Variants in CHLSN observed in about 807,000 individuals in gnomAD.
The protein encoded by CHLSN is protein cholesin.
At chr7:997,888 G>C in the CHLSN span, 1 of 1,319,478 alleles carries the variant, frequency 7.6e-7, no homozygotes, top group Non-Finnish European at 1.1e-6. Context: ...TGCAGCCAAG[G>C]ACACCCGGGC....
chr7:1,000,574 C>T, the CHLSN span: 9 of 1,583,306 alleles, frequency 5.7e-6, no homozygotes, highest in East Asian at 2.0e-4. Context: ...AGACAAACAT[C>T]TCAGGGTGCT....
chr7:1,073,874 G>C, the CHLSN span, among the ~76,000 whole-genome samples: 2 of 33,384 alleles, frequency 6.0e-5, no homozygotes, highest in Admixed American at 3.4e-4. Flanking sequence ...CGTGACGCCC[G>C]CCCCGACCCC....
the CHLSN span, chr7:987,501 C>G: frequency 6.5e-7 from 1 of 1,542,910 alleles, no homozygotes; most frequent in Non-Finnish European, 8.7e-7. Context: ...CCGCGGCCGA[C>G]ACACAGCTGG....
the CHLSN span, chr7:1,093,743 T>C: frequency 2.2e-6 from 1 of 455,998 alleles, no homozygotes; most frequent in Non-Finnish European, 4.6e-6. Flanking sequence ...AACCTTCCCA[T>C]AAAATGTAAG....
At chr7:987,262 T>C in the CHLSN span, 39,375 of 1,505,814 alleles carry the variant, frequency 0.026, 631 homozygotes, top group African/African-American at 0.058. Context: ...CCCCGGCGCC[T>C]GGCGAGACGG....
At chr7:1,066,296 T>C in the CHLSN span, among the ~76,000 whole-genome samples, 4 of 152,122 alleles carry the variant, frequency 2.6e-5, no homozygotes, top group African/African-American at 9.7e-5. Flanking sequence ...TGTCTGCGCA[T>C]CCGGCGGGGC....
the CHLSN span, chr7:1,058,542 G>T: frequency 1.3e-6 from 1 of 762,760 alleles, no homozygotes; most frequent in Non-Finnish European, 2.4e-6. Context: ...CTGGGGAGAC[G>T]TGACTCTGGT....
At chr7:1,000,239 C>T in the CHLSN span, among the ~76,000 whole-genome samples, 8 of 151,974 alleles carry the variant, frequency 5.3e-5, no homozygotes, top group Non-Finnish European at 1.2e-4. Flanking sequence ...GCACAGGAGA[C>T]GTGCCTGCCC....
At chr7:1,093,421 G>A in the CHLSN span, 3 of 461,640 alleles carry the variant, frequency 6.5e-6, no homozygotes, top group Middle Eastern at 4.4e-4. Flanking sequence ...TCTGGTGCAC[G>A]CCTGAGCGTC....
At chr7:1,016,538 GCAGCGCACGC>G in the CHLSN span, among the ~76,000 whole-genome samples, 2 of 137,598 alleles carry the variant, frequency 1.5e-5, no homozygotes, top group East Asian at 2.2e-4. Context: ...CCAGCACAAA[GCAGCGCACGC>G]CAGCGCACAG....
the CHLSN span, among the ~76,000 whole-genome samples, chr7:1,066,871 C>A: frequency 8.5e-6 from 1 of 117,908 alleles, no homozygotes; most frequent in Non-Finnish European, 2.1e-5. Flanking sequence ...AGGAGTACAC[C>A]CCAGAGGTGA....
the CHLSN span, among the ~76,000 whole-genome samples, chr7:1,038,629 GGCCA>G: frequency 1.3e-5 from 1 of 79,104 alleles, no homozygotes; most frequent in African/African-American, 4.7e-5. Context: ...CCCTCTGCCC[GGCCA>G]GCCGCCCCGT....
chr7:1,075,882 G>A, the CHLSN span: 7 of 151,942 alleles, frequency 4.6e-5, no homozygotes, highest in African/African-American at 1.7e-4. Context: ...TTACAGGCAT[G>A]AGCCAGCGCG....
At chr7:1,009,508 C>T in the CHLSN span, among the ~76,000 whole-genome samples, 1 of 152,188 alleles carries the variant, frequency 6.6e-6, no homozygotes, top group Non-Finnish European at 1.5e-5. Context: ...AGGGAGATGG[C>T]ACCCTGTGCC....
At chr7:1,004,129 G>A in the CHLSN span, among the ~76,000 whole-genome samples, 1 of 152,058 alleles carries the variant, frequency 6.6e-6, no homozygotes. Context: ...GGCCTCCAGG[G>A]AGGTTTAATT....
the CHLSN span, among the ~76,000 whole-genome samples, chr7:1,003,804 TGGAGTCCTGTGGGTGG>T: frequency 1.5e-5 from 1 of 65,180 alleles, no homozygotes; most frequent in African/African-American, 6.4e-5. Flanking sequence ...CCTGTGGGTT[TGGAGTCCTGTGGGTGG>T]GGAGTCCTGT....
At chr7:1,058,631 G>T in the CHLSN span, 1 of 618,006 alleles carries the variant, frequency 1.6e-6, no homozygotes. Flanking sequence ...AGAAGCAGGA[G>T]GGGTGTTTTT....
the CHLSN span, among the ~76,000 whole-genome samples, chr7:1,001,507 T>C: frequency 9.7e-6 from 1 of 103,426 alleles, no homozygotes; most frequent in African/African-American, 3.9e-5. Flanking sequence ...GTGAGTGGAG[T>C]CCTGTGGGTG....
the CHLSN span, chr7:1,092,406 C>T: frequency 1.2e-6 from 2 of 1,607,064 alleles, no homozygotes; most frequent in Admixed American, 1.7e-5. Flanking sequence ...TCATCGTGCC[C>T]TTCGCCATCA....
Sources: allele counts gnomAD v4.1 joint callset (sites outside exome capture counted in the v4.1 genomes callset), GRCh38; gene constraint gnomAD v4.1.1; transcripts MANE v1.5; gene names NCBI Gene and HGNC (gene_info 2026-07-23, HGNC 2026-07-21).